Variants in PTPN14 observed in about 807,000 individuals in gnomAD.
PTPN14 encodes protein tyrosine phosphatase non-receptor type 14.
In PTPN14, 53 loss-of-function variants were observed where a neutral mutation model predicts 126.8. The observed-to-expected ratio is 0.42, with a 90% confidence interval of 0.34 to 0.53. The LOEUF (loss-of-function observed/expected upper bound fraction) is 0.53. Among genes scored for constraint, PTPN14 ranks in the 20% least tolerant of loss-of-function variants. The probability of loss-of-function intolerance (pLI) is 0.08; values close to 1 mark genes in which losing one functional copy is unlikely to be tolerated. For missense variants in PTPN14, 1,257 were observed against 1,552.9 expected, an observed-to-expected ratio of 0.81 and a Z score of 3.20; for synonymous variants, 630 against 599.3, an observed-to-expected ratio of 1.05 and a Z score of -0.75.
rs1165595746 is a variant in PTPN14 at position 214,402,437 on chromosome 1, CAAAAAAAAAAAAAA to C, written c.581+432_581+445del. Among the ~76,000 whole-genome samples, 24 of 48,166 alleles carry C rather than the reference CAAAAAAAAAAAAAA, an allele frequency of 5.0e-4. 1 individual carries two copies. Among genetic ancestry groups the C allele is most frequent in the African/African-American group, 2.0e-3 (21 of 10,378 alleles). 31.6% of individuals were successfully genotyped at this position (48,166 alleles called of 152,430 possible). The stretch of plus-strand genomic sequence containing the variant: ...CCTGGGTGACAGAGCGAGACTCTGT[CAAAAAAAAAAAAAA>C]AAAAAAAAGCCACGATGAGAGAACT... On this transcript the variant is annotated intron_variant, in intron 6 of 18. Coordinates refer to ENST00000366956, the MANE Select transcript of PTPN14 (RefSeq NM_005401.5).
intron 14 of PTPN14, 102 bp from the exon 15 acceptor site, chr1:214,376,539 T>C: frequency 6.1e-6 from 6 of 979,088 alleles, no homozygotes; most frequent in Non-Finnish European, 9.2e-6. Flanking sequence ...TTAAAAGAGA[T>C]TTCAAGTTCT....
intron 1 of PTPN14, among the ~76,000 whole-genome samples, chr1:214,523,847 A>ATTTTT (rs1409694203): frequency 7.8e-6 from 1 of 128,246 alleles, no homozygotes; most frequent in Admixed American, 7.6e-5. Flanking sequence ...GAGTAATCAG[A>ATTTTT]TTCTTTTTTT....
At chr1:214,548,050 A>T (rs1656015884) in intron 1 of PTPN14, among the ~76,000 whole-genome samples, 1 of 152,228 alleles carries the variant, frequency 6.6e-6, no homozygotes, top group Non-Finnish European at 1.5e-5. Flanking sequence ...GCCATCCTTG[A>T]CCTATTCTGT....
intron 1 of PTPN14, among the ~76,000 whole-genome samples, chr1:214,475,122 G>A (rs1320331979): frequency 6.6e-6 from 1 of 152,120 alleles, no homozygotes; most frequent in African/African-American, 2.4e-5. Context: ...AGCTTTGTAT[G>A]TGCCTAAAAT....
intron 1 of PTPN14, among the ~76,000 whole-genome samples, chr1:214,507,087 G>A (rs2102438910): frequency 6.6e-6 from 1 of 151,726 alleles, no homozygotes; most frequent in Middle Eastern, 3.4e-3. Context: ...TAAAACTTCT[G>A]TGATATGCAA....
Position 214,369,534 on chromosome 1 carries a change from T to C in PTPN14, c.3194A>G (p.Gln1065Arg), listed in dbSNP as rs779111878. The C allele has an allele frequency of 5.0e-6, 8 of 1,614,190 alleles. No homozygotes were observed. The South Asian group carries it at 6.6e-5, about 13-fold the overall frequency. Reference sequence around the variant, plus strand: ...TTGTAAATGCCACACCGTCCTTTCTTGCCCAGACAAAAGGTGCTTGACCTT... The same window carrying C: ...TTGTAAATGCCACACCGTCCTTTCTCGCCCAGACAAAAGGTGCTTGACCTT... ...GLKVKHLLSG[Q>R]ERTVWHLQYT... Residue 1065 changes from glutamine to arginine, a missense_variant, in exon 17 of 19, where the codon CAA becomes CGA. This residue lies in a region of PTPN14 where 171 missense variants were observed against 229.8 expected (regional missense o/e 0.74). Transcript: ENST00000366956.
At chr1:214,419,926 C>A (rs945730588) in intron 3 of PTPN14, among the ~76,000 whole-genome samples, 4 of 152,172 alleles carry the variant, frequency 2.6e-5, no homozygotes, top group Non-Finnish European at 5.9e-5. Flanking sequence ...ACCAGATAAA[C>A]CTGAATGCCT....
intron 15 of PTPN14, among the ~76,000 whole-genome samples, chr1:214,374,130 C>G (rs1470427253): frequency 6.6e-6 from 1 of 152,114 alleles, no homozygotes; most frequent in African/African-American, 2.4e-5. Context: ...AAAGTCAGGT[C>G]CCTTCTACAT....
At chr1:214,416,844 C>T (rs1341322581) in intron 3 of PTPN14, among the ~76,000 whole-genome samples, 1 of 152,172 alleles carries the variant, frequency 6.6e-6, no homozygotes, top group African/African-American at 2.4e-5. Flanking sequence ...AATATGATGA[C>T]TAAATTTGAC....
At chr1:214,546,111 G>A (rs765564552) in intron 1 of PTPN14, among the ~76,000 whole-genome samples, 2 of 152,186 alleles carry the variant, frequency 1.3e-5, no homozygotes, top group Non-Finnish European at 2.9e-5. Context: ...GAACAGGGGT[G>A]GGTGAACCAA....
intron 1 of PTPN14, among the ~76,000 whole-genome samples, chr1:214,513,251 G>C (rs943727233): frequency 1.3e-5 from 2 of 152,134 alleles, no homozygotes; most frequent in African/African-American, 2.4e-5. Flanking sequence ...TGTTCAACAA[G>C]CATGTACTTA....
At chr1:214,516,887 C>G (rs1399160870) in intron 1 of PTPN14, among the ~76,000 whole-genome samples, 2 of 152,260 alleles carry the variant, frequency 1.3e-5, no homozygotes, top group Non-Finnish European at 2.9e-5. Flanking sequence ...CCACCCCACC[C>G]CACTCCACCT....
At chr1:214,397,187 G>A (rs1161375163) in intron 8 of PTPN14, among the ~76,000 whole-genome samples, 1 of 152,168 alleles carries the variant, frequency 6.6e-6, no homozygotes, top group Non-Finnish European at 1.5e-5. Context: ...TCCAGAAGGT[G>A]GGCTATGCTT....
intron 1 of PTPN14, among the ~76,000 whole-genome samples, chr1:214,474,829 CT>C (rs1444930025): frequency 2.0e-5 from 3 of 152,192 alleles, no homozygotes; most frequent in Admixed American, 6.5e-5. Context: ...TCTCCACCCC[CT>C]GCTTTAAGGA....
intron 2 of PTPN14, among the ~76,000 whole-genome samples, chr1:214,459,805 C>A (rs1022168202): frequency 2.0e-5 from 3 of 152,186 alleles, no homozygotes; most frequent in Non-Finnish European, 4.4e-5. Context: ...CTACTGAGTT[C>A]TTTACCTAAC....
In PTPN14 at chr1:214,369,641, C is replaced by T; in HGVS notation, c.3087G>A (p.Lys1029=). ...ACTTGCCATAGGTGGCTGAGCTGTG[C>T]TTTGAACCTAGTTTGGGCCAGTATC... ...SHRYWPKLGS[K]HSSATYGKFK... is the part of the protein sequence containing the mutation. The change falls in exon 17 of 19, where the codon AAG becomes AAA. Residue 1029 remains lysine, a synonymous_variant. Transcript: ENST00000366956. 1.2e-6 allele frequency: 2 copies of T among 1,614,192 alleles called. No individual in the cohort carries two copies. Among genetic ancestry groups the T allele is most frequent in the Non-Finnish European group, 8.5e-7 (1 of 1,180,020 alleles).
chr1:214,522,786 G>A (rs2102459299), intron 1 of PTPN14, among the ~76,000 whole-genome samples: 1 of 152,286 alleles, frequency 6.6e-6, no homozygotes, highest in East Asian at 1.9e-4. Flanking sequence ...ATAAACAAAA[G>A]ACAACCAATT....
intron 1 of PTPN14, among the ~76,000 whole-genome samples, chr1:214,492,498 A>T (rs2102419680): frequency 6.6e-6 from 1 of 152,324 alleles, no homozygotes; most frequent in African/African-American, 2.4e-5. Flanking sequence ...GCATGACCCT[A>T]AGGAGAATCA....
intron 5 of PTPN14, among the ~76,000 whole-genome samples, chr1:214,410,293 T>TA (rs1659273499): frequency 6.8e-6 from 1 of 146,966 alleles, no homozygotes; most frequent in African/African-American, 2.6e-5. Flanking sequence ...TTAAGTCTTT[T>TA]TTTTTTCTTT....
Sources: allele counts gnomAD v4.1 joint callset (sites outside exome capture counted in the v4.1 genomes callset), GRCh38; gene constraint gnomAD v4.1.1; regional missense constraint gnomAD v4.1.1; transcripts MANE v1.5; gene names NCBI Gene and HGNC (gene_info 2026-07-23, HGNC 2026-07-21).